The following GLIS3 variants were observed in gnomAD, a reference collection of about 807,000 sequenced individuals.
The protein encoded by GLIS3 is GLIS family zinc finger 3.
GLIS3 carries 53 observed loss-of-function variants against 78.6 expected under a neutral mutation model. That is an observed-to-expected ratio of 0.67 (90% CI 0.54 to 0.85). The LOEUF (loss-of-function observed/expected upper bound fraction) is 0.85, where lower values mean the gene tolerates loss of function less well. GLIS3 is among the 40% of genes least tolerant of loss of function. The probability of loss-of-function intolerance (pLI) is 0.00; values close to 1 mark genes in which losing one functional copy is unlikely to be tolerated. For synonymous variants in GLIS3, 684 were observed against 509.9 expected (o/e 1.34, Z -4.60); for missense variants, 1,703 against 1,231.1 (o/e 1.38, Z -5.74).
At chr9:4,124,518 T>C (rs552023169) in intron 3 of GLIS3, among the ~76,000 whole-genome samples, 1 of 152,330 alleles carries the variant, frequency 6.6e-6, no homozygotes, top group South Asian at 2.1e-4. Context: ...TCATTTTACA[T>C]GCAGCACTCA....
intron 4 of GLIS3, among the ~76,000 whole-genome samples, chr9:4,083,846 T>G (rs916878520): frequency 6.6e-6 from 1 of 152,330 alleles, no homozygotes; most frequent in Non-Finnish European, 1.5e-5. Flanking sequence ...TATGTACCAT[T>G]TGCTTACATC....
At position 4,323,772 on chromosome 9, in the gene GLIS3, T is replaced by A. The variant is rs1351749466; in HGVS notation, n.265-13244A>T. 2.0e-5 allele frequency among the ~76,000 whole-genome samples: 3 copies of A among 152,330 alleles called. No homozygotes were observed. The South Asian group carries it at 6.2e-4, about 32-fold the overall frequency. ...CTCCTTAAAGGCAGAACCATGTCTATGTTTGATTGCTATTAAATCCTCAGC... is the reference window on the plus strand; with the variant it reads ...CTCCTTAAAGGCAGAACCATGTCTAAGTTTGATTGCTATTAAATCCTCAGC... On this transcript the variant is annotated intron_variant and non_coding_transcript_variant, in intron 2 of 4. Transcript: ENST00000471664.
At chr9:4,028,690 C>G (rs1439724259) in intron 4 of GLIS3, among the ~76,000 whole-genome samples, 1 of 151,476 alleles carries the variant, frequency 6.6e-6, no homozygotes, top group Admixed American at 6.6e-5. Flanking sequence ...CACTATAGAT[C>G]ACTTTTTCCT....
At chr9:4,395,692 T>G in the GLIS3 span, among the ~76,000 whole-genome samples, 7 of 152,246 alleles carry the variant, frequency 4.6e-5, no homozygotes, top group Non-Finnish European at 7.3e-5. Flanking sequence ...AACTTGAATT[T>G]ATTTTATGTC....
chr9:3,970,436 C>A (rs866230215), intron 4 of GLIS3, among the ~76,000 whole-genome samples: 1 of 152,132 alleles, frequency 6.6e-6, no homozygotes, highest in Admixed American at 6.5e-5. Context: ...CCTAGACAAT[C>A]TGGGCAAACA....
At chr9:4,303,122 A>G (rs1176919210), upstream of GLIS3, among the ~76,000 whole-genome samples, 10 of 60,460 alleles carry the variant, frequency 1.7e-4, no homozygotes, top group Non-Finnish European at 3.2e-4. Flanking sequence ...GTGCTCTGAC[A>G]GTAAACCACT....
chr9:4,148,115 A>G (rs1185588338), intron 2 of GLIS3, among the ~76,000 whole-genome samples: 2 of 152,088 alleles, frequency 1.3e-5, no homozygotes, highest in African/African-American at 4.8e-5. Flanking sequence ...TTAACTACAC[A>G]AAGGAGTTAA....
At chr9:4,242,501 G>A (rs973263656) in intron 2 of GLIS3, among the ~76,000 whole-genome samples, 3 of 152,100 alleles carry the variant, frequency 2.0e-5, no homozygotes, top group Non-Finnish European at 4.4e-5. Flanking sequence ...CACTGATTCC[G>A]GCTACCTGCT....
intron 4 of GLIS3, among the ~76,000 whole-genome samples, chr9:4,097,284 G>T (rs1188993001): frequency 6.6e-6 from 1 of 151,888 alleles, no homozygotes; most frequent in Non-Finnish European, 1.5e-5. Context: ...AGGATTCAAA[G>T]TAAAAAAAAG....
intron 2 of GLIS3, among the ~76,000 whole-genome samples, chr9:4,181,503 T>C (rs1041789253): frequency 3.9e-5 from 6 of 152,228 alleles, no homozygotes; most frequent in African/African-American, 1.4e-4. Context: ...TGGACATCTG[T>C]CCTTCTTGCT....
At chr9:3,891,265 T>C (rs938887796) in intron 7 of GLIS3, among the ~76,000 whole-genome samples, 3 of 152,206 alleles carry the variant, frequency 2.0e-5, no homozygotes, top group Non-Finnish European at 4.4e-5. Flanking sequence ...CTTTATGTCA[T>C]TTAATCCAGC....
At chr9:4,276,269 G>C (rs1826969716) in intron 2 of GLIS3, among the ~76,000 whole-genome samples, 3 of 137,150 alleles carry the variant, frequency 2.2e-5, no homozygotes, top group Non-Finnish European at 4.6e-5. Context: ...GAGTAAGACT[G>C]AAAGAAAAGA....
At chr9:4,087,128 TG>T (rs1377573414) in intron 4 of GLIS3, among the ~76,000 whole-genome samples, 1 of 152,164 alleles carries the variant, frequency 6.6e-6, no homozygotes, top group African/African-American at 2.4e-5. Flanking sequence ...CAATAAATCA[TG>T]TGAAGTGGAG....
chr9:4,337,049 A>G (rs1475048944), intron 2 of GLIS3, among the ~76,000 whole-genome samples: 2 of 152,238 alleles, frequency 1.3e-5, no homozygotes, highest in Admixed American at 1.3e-4. Context: ...ATGAGATACT[A>G]CTTTTAACCT....
rs565158412 is a variant in GLIS3, at chr9:4,139,436, T to A, written c.389-13495A>T. 1.8e-3 allele frequency among the ~76,000 whole-genome samples: 268 copies of A among 152,370 alleles called. 3 individuals carry two copies. The highest frequency in any genetic ancestry group is 2.7e-3 in the Non-Finnish European group (187 of 68,044). On this transcript the variant is annotated intron_variant, in intron 2 of 10. Transcript: ENST00000381971. ...CCTCTGAAATGTGTGTAAGTCATGA[T>A]GCTAAAGAAGACTGAGGTCCCTGGT...
the GLIS3 span, among the ~76,000 whole-genome samples, chr9:4,374,247 C>G: frequency 2.0e-5 from 3 of 152,200 alleles, no homozygotes; most frequent in Admixed American, 2.0e-4. Flanking sequence ...TGAATTAGAA[C>G]AACTCCCCTT....
At chr9:4,211,184 A>G (rs1193182167) in intron 2 of GLIS3, among the ~76,000 whole-genome samples, 1 of 152,244 alleles carries the variant, frequency 6.6e-6, no homozygotes, top group Non-Finnish European at 1.5e-5. Context: ...GGACTATTCC[A>G]GATTGTGCCG....
In GLIS3 at chr9:4,239,683, T is replaced by C. The variant is rs796307899; in HGVS notation, c.388+46355A>G. Among the ~76,000 whole-genome samples the C allele has an allele frequency of 2.6e-4, 39 of 152,352 alleles. 1 individual carries two copies. The highest frequency in any genetic ancestry group is 8.7e-4 in the African/African-American group (36 of 41,586). ...TGATCTAAAGATTGTTTCTGACTTT[T>C]CCATTACCTACTTCCCTCCCTTATT... On this transcript the variant is annotated intron_variant, in intron 2 of 10. Coordinates refer to ENST00000381971, the MANE Select transcript of GLIS3 (RefSeq NM_001042413.2).
chr9:4,090,516 G>A (rs1239454400), intron 4 of GLIS3, among the ~76,000 whole-genome samples: 4 of 151,978 alleles, frequency 2.6e-5, no homozygotes, highest in Admixed American at 2.0e-4. Flanking sequence ...AGCTAAGGGC[G>A]GAAAGAAAAG....
Sources: allele counts gnomAD v4.1 joint callset (sites outside exome capture counted in the v4.1 genomes callset), GRCh38; gene constraint gnomAD v4.1.1; transcripts MANE v1.5; gene names NCBI Gene and HGNC (gene_info 2026-07-23, HGNC 2026-07-21).